Variants in ACSL6 observed in about 807,000 individuals in gnomAD.
ACSL6 encodes acyl-CoA synthetase long chain family member 6.
A neutral mutation model predicts 98.2 loss-of-function variants in ACSL6; 47 were observed. That is an observed-to-expected ratio of 0.48 (90% confidence interval 0.38 to 0.61). The LOEUF is 0.61. Among genes scored for constraint, ACSL6 ranks in the 20% least tolerant of loss-of-function variants. The pLI is 0.00. For synonymous variants in ACSL6, 362 were observed against 336.9 expected (o/e 1.07, Z -0.82); for missense variants, 761 against 913.4 (o/e 0.83, Z 2.15).
At chr5:131,958,668 A>G (rs1043323345) in intron 20 of ACSL6, among the ~76,000 whole-genome samples, 8 of 151,996 alleles carry the variant, frequency 5.3e-5, no homozygotes, top group African/African-American at 1.9e-4. Flanking sequence ...TTAATCCATG[A>G]AAATGTTTTT....
At chr5:131,961,103 C>A (rs1752681026) in intron 18 of ACSL6, among the ~76,000 whole-genome samples, 1 of 152,168 alleles carries the variant, frequency 6.6e-6, no homozygotes, top group African/African-American at 2.4e-5. Flanking sequence ...TGGCTCACTG[C>A]AGCCTCGACC....
chr5:132,004,705 G>T (rs925797292), intron 1 of ACSL6, among the ~76,000 whole-genome samples: 2 of 152,154 alleles, frequency 1.3e-5, no homozygotes, highest in Non-Finnish European at 2.9e-5. Flanking sequence ...TCCATATCTG[G>T]TCTGTGGCAA....
chr5:131,985,138 T>G (rs1054677554), intron 9 of ACSL6: 2 of 496,012 alleles, frequency 4.0e-6, no homozygotes, highest in Non-Finnish European at 7.4e-6. Context: ...CCTCAGCACA[T>G]GATCCAGCTG....
chr5:131,971,629 C>A lies in ACSL6; in HGVS notation c.1355G>T (p.Cys452Phe). The A allele has an allele frequency of 6.2e-7, 1 of 1,610,336 alleles. No homozygotes were observed. Among genetic ancestry groups the A allele is most frequent in the Non-Finnish European group, 8.5e-7 (1 of 1,177,902 alleles). Residue 452 changes from cysteine (C) to phenylalanine (F), a missense_variant, in exon 14 of 21, where the codon TGT (cysteine) becomes TTT (phenylalanine). Cys to Phe is a radical substitution (Grantham distance 205, BLOSUM62 -2). Coordinates refer to ENST00000651883, the MANE Select transcript of ACSL6 (RefSeq NM_001009185.3). ...FNKIQASLGG[C>F]VRMIVTGAAP... The stretch of plus-strand genomic sequence containing the variant: ...TGCTCCAGTAACAATCATCCGCACA[C>A]ACCCACCAAGACTGGCCTGTGGGAA...
chr5:131,962,449 C>A, intron 18 of ACSL6, 86 bp downstream of exon 18: 1 of 1,449,560 alleles, frequency 6.9e-7, no homozygotes, highest in Non-Finnish European at 9.3e-7. Flanking sequence ...GAGGAGAATC[C>A]TGGTGCCTGA....
upstream of ACSL6, chr5:132,011,852 G>A: frequency 1.3e-6 from 2 of 1,512,264 alleles, no homozygotes; most frequent in South Asian, 1.3e-5. This position sits in a 1 kb window ranked among gnomAD's most constrained non-coding sequence, Gnocchi z 5.4. Flanking sequence ...CTCCCGGGCG[G>A]GGGAGGGGCC....
At chr5:131,977,883 A>G (rs1350734547) in intron 9 of ACSL6, among the ~76,000 whole-genome samples, 3 of 151,120 alleles carry the variant, frequency 2.0e-5, no homozygotes, top group Non-Finnish European at 4.4e-5. Context: ...AAAGAGAGAG[A>G]GAGAGAGAGA....
chr5:131,975,280 A>G (rs912835097), intron 10 of ACSL6: 1 of 1,228,544 alleles, frequency 8.1e-7, no homozygotes, highest in Non-Finnish European at 1.0e-6. Flanking sequence ...AATGAAGCAC[A>G]CAGAAACCAG....
chr5:131,985,535 A>G lies in ACSL6; in HGVS notation c.865-77T>C. 4.7e-6 allele frequency: 7 copies of G among 1,494,746 alleles called. No individual in the cohort carries two copies. The South Asian group carries it at 5.7e-5, about 12-fold the overall frequency. 92.6% of individuals were successfully genotyped at this position (1,494,746 alleles called of 1,614,324 possible). On this transcript the variant is annotated intron_variant, in intron 8 of 20. Coordinates refer to ENST00000651883, the MANE Select transcript of ACSL6 (RefSeq NM_001009185.3). The stretch of plus-strand genomic sequence containing the variant: ...GGGCCCAAGATGCCTGGGCTCCCCA[A>G]CCAGCCAGGCCCATATGTATGCTGT...
At chr5:132,004,778 C>A (rs935914117) in intron 1 of ACSL6, among the ~76,000 whole-genome samples, 2 of 152,198 alleles carry the variant, frequency 1.3e-5, no homozygotes, top group African/African-American at 4.8e-5. Flanking sequence ...AAGGCCCAAC[C>A]TCCATTTCTC....
intron 11 of ACSL6, 81 bp downstream of exon 11, chr5:131,974,812 C>G: frequency 6.2e-7 from 1 of 1,613,200 alleles, no homozygotes. Flanking sequence ...TGTGCACATC[C>G]GCACAAGTGG....
rs143363487 is a variant in ACSL6 at position 131,981,277 on chromosome 5, C to T, written c.916+4130G>A. ...ACCTCCCCCAAAGCCCTTGGCTCCA[C>T]CAGCTGCTAATCTTGCTCCCTGCCA... On this transcript the variant is annotated intron_variant, in intron 9 of 20. Coordinates refer to ENST00000651883, the MANE Select transcript of ACSL6 (RefSeq NM_001009185.3). 4.2e-3 allele frequency among the ~76,000 whole-genome samples: 634 copies of T among 151,188 alleles called. 10 individuals carry two copies. Among genetic ancestry groups the T allele is most frequent in the African/African-American group, 0.015 (616 of 41,020 alleles).
intron 17 of ACSL6, among the ~76,000 whole-genome samples, chr5:131,963,542 A>G (rs1304781759): frequency 6.6e-6 from 1 of 152,158 alleles, no homozygotes; most frequent in African/African-American, 2.4e-5. Context: ...ATGCTCCTAT[A>G]TGAAACTCAC....
intron 8 of ACSL6, 105 bp from the exon 9 acceptor site, chr5:131,985,563 G>A: frequency 3.3e-6 from 4 of 1,208,164 alleles, no homozygotes; most frequent in Middle Eastern, 2.6e-4. Context: ...TATGCTGTAT[G>A]TGGGTGTGAG....
At chr5:131,955,482 G>A (rs970361438) in intron 20 of ACSL6, among the ~76,000 whole-genome samples, 2 of 152,164 alleles carry the variant, frequency 1.3e-5, no homozygotes, top group African/African-American at 4.8e-5. Context: ...CAAGGGAGAC[G>A]TTTTTAAACC....
intron 9 of ACSL6, among the ~76,000 whole-genome samples, chr5:131,981,632 A>G (rs117629905): frequency 6.6e-6 from 1 of 152,208 alleles, no homozygotes; most frequent in Non-Finnish European, 1.5e-5. Context: ...TTTGCTCAAC[A>G]TTGTGGCATA....
At chr5:131,980,479 C>A (rs1262537409) in intron 9 of ACSL6, among the ~76,000 whole-genome samples, 1 of 152,182 alleles carries the variant, frequency 6.6e-6, no homozygotes, top group Non-Finnish European at 1.5e-5. Context: ...ACGAATAGGT[C>A]ATGGTGAACA....
At chr5:131,976,838 T>C (rs746103343) in intron 9 of ACSL6, 117 bp from the exon 10 acceptor site, 7 of 804,710 alleles carry the variant, frequency 8.7e-6, no homozygotes, top group Non-Finnish European at 1.3e-5. Context: ...CTCTGGCCTT[T>C]GTCTTCAGCC....
Position 132,011,392 on chromosome 5 carries a change from C to T in ACSL6, c.49+113G>A. 1 of 1,175,370 alleles carries T rather than the reference C, an allele frequency of 8.5e-7. No individual in the cohort carries two copies. Among genetic ancestry groups the T allele is most frequent in the Non-Finnish European group, 1.3e-6 (1 of 798,662 alleles). The allele number at this position is 1,175,370 out of a possible 1,614,324, so 72.8% of individuals were successfully genotyped here. Reference sequence around the variant, plus strand: ...TGGGGACCTTGACGGGACAGCTCAGCAGCAGGGGATGGGGGCTCGGCGGCC... The same window carrying T: ...TGGGGACCTTGACGGGACAGCTCAGTAGCAGGGGATGGGGGCTCGGCGGCC... On this transcript the variant is annotated intron_variant, in intron 1 of 20. Transcript: ENST00000651883. The surrounding 1 kb of genome is among the most constrained non-coding windows in gnomAD (Gnocchi z 5.4).
Sources: gnomAD v4.1 joint callset for allele counts (sites outside exome capture counted in the v4.1 genomes callset) on GRCh38, gnomAD v4.1.1 for gene constraint, Gnocchi (gnomAD v3.1) non-coding constraint, MANE v1.5 for transcripts, NCBI Gene and HGNC (gene_info 2026-07-23, HGNC 2026-07-21) for gene names.